RNF24: variants seen among roughly 807,000 people sequenced by gnomAD.
RNF24 encodes ring finger protein 24.
In RNF24, 14 loss-of-function variants were observed where a neutral mutation model predicts 20.0. The ratio of observed to expected loss-of-function variants is 0.70; its 90% CI spans 0.46 to 1.10. The LOEUF (loss-of-function observed/expected upper bound fraction) is 1.10, where lower values mean the gene tolerates loss of function less well. Ranked by LOEUF, RNF24 falls within the 50% of genes least tolerant of loss-of-function variation. The pLI, the probability that RNF24 is intolerant of heterozygous loss-of-function variation, is 0.00. For synonymous variants in RNF24, 45 were observed against 61.1 expected (o/e 0.74, Z 1.23); for missense variants, 124 against 177.6 (o/e 0.70, Z 1.71).
chr20:3,954,150 T>C (rs1301600341), intron 2 of RNF24, among the ~76,000 whole-genome samples: 1 of 152,186 alleles, frequency 6.6e-6, no homozygotes, highest in Non-Finnish European at 1.5e-5. Flanking sequence ...AGTAGTGTAC[T>C]CACAATGTTG....
intron 1 of RNF24, among the ~76,000 whole-genome samples, chr20:3,974,063 TA>T (rs151190219): frequency 0.019 from 2,597 of 140,352 alleles, 49 homozygotes; most frequent in African/African-American, 0.05. Context: ...GGCTTAATAT[TA>T]AAAAAAAAAA....
intron 1 of RNF24, among the ~76,000 whole-genome samples, chr20:3,999,743 G>A (rs1324358386): frequency 6.6e-6 from 1 of 152,146 alleles, no homozygotes; most frequent in South Asian, 2.1e-4. Context: ...AACGAGAGGC[G>A]AAACTCTGTC....
intron 4 of RNF24, among the ~76,000 whole-genome samples, chr20:3,939,916 A>C (rs887651706): frequency 1.3e-5 from 2 of 152,076 alleles, no homozygotes; most frequent in African/African-American, 2.4e-5. Context: ...CTTTTGTTAA[A>C]TTTATTCCTA....
rs892526514 is a variant in RNF24 at position 3,933,981 on chromosome 20, A to G, written c.*82T>C. 127 of 1,292,888 alleles carry G rather than the reference A, an allele frequency of 9.8e-5. No individual in the cohort carries two copies. Among genetic ancestry groups the G allele is most frequent in the Middle Eastern group, 5.5e-4 (2 of 3,636 alleles). 80.1% of individuals were successfully genotyped at this position (1,292,888 alleles called of 1,614,324 possible). On this transcript the variant is annotated 3_prime_UTR_variant, in exon 6 of 6. Transcript: ENST00000358395. ...GTGGCAGCTGGTGTCCTAGGTAGAG[A>G]GCAGCCATACAGACACCACATGTGT...
chr20:3,996,678 T>C (rs73086581), intron 1 of RNF24, among the ~76,000 whole-genome samples: 17,683 of 152,240 alleles, frequency 0.12, 1,378 homozygotes, highest in Non-Finnish European at 0.17. Flanking sequence ...TTCTGGCCAA[T>C]GTAACTGATG....
chr20:3,949,067 T>C (rs1466379635), intron 2 of RNF24, among the ~76,000 whole-genome samples: 1 of 151,944 alleles, frequency 6.6e-6, no homozygotes, highest in African/African-American at 2.4e-5. Flanking sequence ...TACCCGGGAG[T>C]AGAACTGCTG....
Position 3,930,026 on chromosome 20 carries a change from A to AATT in RNF24, c.*4034_*4036dup. 6.6e-6 allele frequency: 1 copy of AATT among 152,170 alleles called. No homozygotes were observed. 9.4% of individuals were successfully genotyped at this position (152,170 alleles called of 1,614,324 possible). The stretch of plus-strand genomic sequence containing the variant: ...TATCACATGAGTAGAAAAGGAGAAA[A>AATT]ATTATATAGACACACATACACATGT... On this transcript the variant is annotated 3_prime_UTR_variant, in exon 6 of 6. Coordinates refer to ENST00000358395, the MANE Select transcript of RNF24 (RefSeq NM_001134337.3).
At chr20:3,995,146 T>G (rs1050337052) in intron 1 of RNF24, among the ~76,000 whole-genome samples, 7 of 152,216 alleles carry the variant, frequency 4.6e-5, no homozygotes, top group African/African-American at 1.7e-4. Context: ...CGGGGACTTG[T>G]AGGCAAGTCT....
At chr20:3,963,808 G>C in intron 2 of RNF24, 67 bp downstream of exon 2, 1 of 1,345,586 alleles carries the variant, frequency 7.4e-7, no homozygotes, top group Non-Finnish European at 1.0e-6. Context: ...AAAAAAATCT[G>C]AGGACAGAAA....
In RNF24 at chr20:3,933,721, C is replaced by T. The variant is rs910143916; in HGVS notation, c.*342G>A. On this transcript the variant is annotated 3_prime_UTR_variant, in exon 6 of 6. Coordinates refer to ENST00000358395, the MANE Select transcript of RNF24 (RefSeq NM_001134337.3). Reference sequence around the variant, plus strand: ...CAGGTGGGGGTGTGGCTTGAAAGACCTGCTCTTAGTTCCCTTCTTTACCCT... The same window carrying T: ...CAGGTGGGGGTGTGGCTTGAAAGACTTGCTCTTAGTTCCCTTCTTTACCCT... The T allele has an allele frequency of 5.4e-6, 1 of 185,922 alleles. No homozygotes were observed. The highest frequency in any genetic ancestry group is 2.3e-5 in the African/African-American group (1 of 42,846). The allele number at this position is 185,922 out of a possible 1,614,324, so 11.5% of individuals were successfully genotyped here. A position where few individuals can be genotyped will look rare whatever the true frequency, so the allele number is the denominator to read the frequency against.
chr20:3,982,403 CTG>C (rs1285320465), intron 1 of RNF24, among the ~76,000 whole-genome samples: 1 of 151,344 alleles, frequency 6.6e-6, no homozygotes, highest in Non-Finnish European at 1.5e-5. Flanking sequence ...TGGTGAAACC[CTG>C]TCTCTACTAA....
intron 4 of RNF24, among the ~76,000 whole-genome samples, chr20:3,939,874 T>A (rs1329147875): frequency 6.6e-6 from 1 of 152,208 alleles, no homozygotes; most frequent in African/African-American, 2.4e-5. Flanking sequence ...CTTTTCAACG[T>A]TTTATAGTTT....
intron 1 of RNF24, chr20:3,974,294 C>A: frequency 6.5e-7 from 1 of 1,546,654 alleles, no homozygotes; most frequent in South Asian, 1.2e-5. Flanking sequence ...AACTGTACAG[C>A]TAATATTATT....
rs551447058 is a variant in RNF24, at chr20:4,011,847, A to G, written c.-8+3590T>C. ...AAATGGAAGGATAGTTATGTGAGACAGTTAAGTCTTCAACTTCCAAAATAG... is the reference window on the plus strand; with the variant it reads ...AAATGGAAGGATAGTTATGTGAGACGGTTAAGTCTTCAACTTCCAAAATAG... On this transcript the variant is annotated intron_variant, in intron 1 of 5. Transcript: ENST00000358395. Among the ~76,000 whole-genome samples the G allele has an allele frequency of 3.3e-5, 5 of 152,376 alleles. No individual in the cohort carries two copies. In the East Asian group the frequency reaches 5.8e-4, roughly 18 times the overall value.
intron 2 of RNF24, among the ~76,000 whole-genome samples, chr20:3,957,413 A>G (rs1191311672): frequency 6.6e-6 from 1 of 151,150 alleles, no homozygotes; most frequent in Non-Finnish European, 1.5e-5. Context: ...AGCTATGATC[A>G]TGACATTGCT....
chr20:4,006,352 G>C (rs1168460355), intron 1 of RNF24, among the ~76,000 whole-genome samples: 1 of 146,794 alleles, frequency 6.8e-6, no homozygotes, highest in African/African-American at 2.5e-5. Context: ...CTGGGTGACA[G>C]AGCAAGTCTC....
rs1028961700 is a variant in RNF24, at chr20:4,012,470, G to A, written c.-8+2967C>T. 4.0e-5 allele frequency among the ~76,000 whole-genome samples: 6 copies of A among 151,292 alleles called. No homozygotes were observed. The East Asian group carries it at 7.7e-4, about 19-fold the overall frequency. Reference sequence around the variant, plus strand: ...AAACAAAAAAGCAATTATTGATAGAGAATGCTCAATGGAAAAATAAATTAC... The same window carrying A: ...AAACAAAAAAGCAATTATTGATAGAAAATGCTCAATGGAAAAATAAATTAC... On this transcript the variant is annotated intron_variant, in intron 1 of 5. Transcript: ENST00000358395.
intron 1 of RNF24, among the ~76,000 whole-genome samples, chr20:3,967,974 A>C (rs376603754): frequency 0.17 from 588 of 3,558 alleles, 3 homozygotes; most frequent in African/African-American, 0.28. Flanking sequence ...GCCTGGCAAC[A>C]AAAAAAAAAA....
chr20:3,992,413 G>C (rs1270273707), intron 1 of RNF24, among the ~76,000 whole-genome samples: 1 of 152,110 alleles, frequency 6.6e-6, no homozygotes, highest in East Asian at 1.9e-4. Flanking sequence ...ATGAAATACG[G>C]ACTTAGAATA....
Sources: gnomAD v4.1 joint callset for allele counts (sites outside exome capture counted in the v4.1 genomes callset) on GRCh38, gnomAD v4.1.1 for gene constraint, MANE v1.5 for transcripts, NCBI Gene and HGNC (gene_info 2026-07-23, HGNC 2026-07-21) for gene names.